Variants in SLC39A11 observed in about 807,000 individuals in gnomAD.
SLC39A11 encodes zinc transporter ZIP11.
In SLC39A11, 33 loss-of-function variants were observed where a neutral mutation model predicts 36.1. That is an observed-to-expected ratio of 0.91 (90% CI 0.69 to 1.22). The LOEUF is 1.22. SLC39A11 is among the 50% of genes most tolerant of loss of function. The probability of loss-of-function intolerance (pLI) is 0.00; values close to 1 mark genes in which losing one functional copy is unlikely to be tolerated. For missense variants in SLC39A11, 432 were observed against 430.3 expected, an observed-to-expected ratio of 1.00 and a Z score of -0.03; for synonymous variants, 166 against 170.3, an observed-to-expected ratio of 0.97 and a Z score of 0.20.
chr17:73,056,293 C>T (rs908997828), intron 3 of SLC39A11, among the ~76,000 whole-genome samples: 2 of 152,222 alleles, frequency 1.3e-5, no homozygotes, highest in East Asian at 1.9e-4. Context: ...CTCAGCCTCC[C>T]GAGTAGCTGG....
intron 3 of SLC39A11, among the ~76,000 whole-genome samples, chr17:73,037,803 G>T (rs932453103): frequency 1.3e-5 from 2 of 152,206 alleles, no homozygotes; most frequent in South Asian, 4.1e-4. Flanking sequence ...CCACCCAATC[G>T]AATGAAGCCA....
intron 3 of SLC39A11, among the ~76,000 whole-genome samples, chr17:73,063,154 T>C (rs540757425): frequency 6.6e-5 from 10 of 152,170 alleles, no homozygotes; most frequent in Non-Finnish European, 1.0e-4. Context: ...GGTACTAGCA[T>C]TGTCTCTATC....
At chr17:73,041,765 T>C (rs2059119270) in intron 3 of SLC39A11, among the ~76,000 whole-genome samples, 1 of 152,224 alleles carries the variant, frequency 6.6e-6, no homozygotes, top group South Asian at 2.1e-4. Flanking sequence ...GGCTTGTAAA[T>C]CACAGCCTTA....
intron 4 of SLC39A11, among the ~76,000 whole-genome samples, chr17:72,962,665 T>C (rs1402863252): frequency 6.6e-6 from 1 of 152,118 alleles, no homozygotes; most frequent in Non-Finnish European, 1.5e-5. Context: ...GCTTCCCAAG[T>C]AGCTGGGACT....
chr17:72,826,191 G>A (rs1325477108), intron 6 of SLC39A11, among the ~76,000 whole-genome samples: 1 of 152,172 alleles, frequency 6.6e-6, no homozygotes, highest in South Asian at 2.1e-4. Flanking sequence ...TCATGATAGT[G>A]AATATGTTCT....
At chr17:72,736,041 T>A (rs1311464087) in intron 7 of SLC39A11, among the ~76,000 whole-genome samples, 1 of 152,068 alleles carries the variant, frequency 6.6e-6, no homozygotes, top group African/African-American at 2.4e-5. Flanking sequence ...TATAGGAACA[T>A]ATTCAGGACA....
intron 5 of SLC39A11, among the ~76,000 whole-genome samples, chr17:72,942,581 T>C (rs1159011610): frequency 6.6e-6 from 1 of 152,134 alleles, no homozygotes; most frequent in African/African-American, 2.4e-5. Context: ...ACTGGAAATA[T>C]CAGTGACAAA....
intron 2 of SLC39A11, among the ~76,000 whole-genome samples, chr17:73,086,532 A>G (rs2144855416): frequency 6.6e-6 from 1 of 152,266 alleles, no homozygotes; most frequent in South Asian, 2.1e-4. Context: ...TACAAAATTA[A>G]AACTCAGCTG....
intron 7 of SLC39A11, among the ~76,000 whole-genome samples, chr17:72,698,458 C>CTAAAAAAAAAAAAAAA (rs1567958636): frequency 1.9e-5 from 1 of 51,942 alleles, no homozygotes; most frequent in African/African-American, 1.2e-4. Context: ...ATAATAAAAA[C>CTAAAAAAAAAAAAAAA]CAAAAAAAAA....
At chr17:73,011,620 A>G (rs970414427) in intron 4 of SLC39A11, among the ~76,000 whole-genome samples, 32 of 151,796 alleles carry the variant, frequency 2.1e-4, no homozygotes, top group Non-Finnish European at 4.1e-4. Flanking sequence ...CAGGGTGACT[A>G]TAGTCAAAAT....
intron 6 of SLC39A11, among the ~76,000 whole-genome samples, chr17:72,758,267 G>T (rs1015122401): frequency 6.6e-6 from 1 of 152,152 alleles, no homozygotes; most frequent in African/African-American, 2.4e-5. Context: ...TATAAGAAAG[G>T]TCTGGAAGAC....
intron 4 of SLC39A11, among the ~76,000 whole-genome samples, chr17:72,990,568 G>A (rs2089099392): frequency 6.6e-6 from 1 of 152,082 alleles, no homozygotes; most frequent in South Asian, 2.1e-4. Flanking sequence ...GGAGCTACAG[G>A]TGCACGCCAC....
Position 73,065,566 on chromosome 17 carries a change from C to G in SLC39A11, c.147+19242G>C, listed in dbSNP as rs78267451. 4.5e-3 allele frequency among the ~76,000 whole-genome samples: 688 copies of G among 152,212 alleles called. 10 individuals carry two copies. Among genetic ancestry groups the G allele is most frequent in the African/African-American group, 0.016 (660 of 41,530 alleles). On this transcript the variant is annotated intron_variant, in intron 3 of 9. Transcript: ENST00000255559. ...CTCAGGAGGTCAGGAATCCTTCCCC[C>G]GAGCAAAAAGATTCTGAAGATATTA... is the stretch of plus-strand genomic sequence containing the variant.
At chr17:72,836,002 G>A (rs774020116) in intron 6 of SLC39A11, among the ~76,000 whole-genome samples, 1 of 152,080 alleles carries the variant, frequency 6.6e-6, no homozygotes, top group African/African-American at 2.4e-5. Flanking sequence ...GGTGTGCAGG[G>A]GCCTCACAGG....
chr17:73,052,250 AC>A (rs1249457177), intron 3 of SLC39A11, among the ~76,000 whole-genome samples: 1 of 151,866 alleles, frequency 6.6e-6, no homozygotes, highest in Admixed American at 6.6e-5. Context: ...AACAAGAAAA[AC>A]CTCTCATTAT....
At chr17:72,794,272 A>G (rs1466991077) in intron 6 of SLC39A11, among the ~76,000 whole-genome samples, 1 of 152,112 alleles carries the variant, frequency 6.6e-6, no homozygotes, top group Non-Finnish European at 1.5e-5. Flanking sequence ...ACCCATCATA[A>G]GAAAGGAGCT....
At chr17:72,923,501 G>A (rs1489263063) in intron 5 of SLC39A11, among the ~76,000 whole-genome samples, 2 of 152,198 alleles carry the variant, frequency 1.3e-5, no homozygotes, top group Non-Finnish European at 2.9e-5. Flanking sequence ...CAAGGCATAA[G>A]CTTTGGAGCT....
chr17:73,031,513 G>A (rs370724569), intron 4 of SLC39A11, 43 bp downstream of exon 4: 21 of 1,603,372 alleles, frequency 1.3e-5, no homozygotes, highest in Non-Finnish European at 1.5e-5. Context: ...GCACAGAGCT[G>A]GTTGTATCCC....
intron 4 of SLC39A11, among the ~76,000 whole-genome samples, chr17:72,998,350 C>G (rs2089634125): frequency 1.3e-5 from 2 of 152,142 alleles, no homozygotes; most frequent in Non-Finnish European, 2.9e-5. Context: ...CTGACAAATT[C>G]CAAATTAATC....
Sources: gnomAD v4.1 joint callset for allele counts (sites outside exome capture counted in the v4.1 genomes callset) on GRCh38, gnomAD v4.1.1 for gene constraint, MANE v1.5 for transcripts, NCBI Gene and HGNC (gene_info 2026-07-23, HGNC 2026-07-21) for gene names.